TRPA1: variants seen among roughly 807,000 people sequenced by gnomAD.
TRPA1 encodes transient receptor potential cation channel subfamily A member 1.
TRPA1 carries 129 observed loss-of-function variants against 131.3 expected under a neutral mutation model. That is an observed-to-expected ratio of 0.98 (90% confidence interval 0.85 to 1.14). The LOEUF (loss-of-function observed/expected upper bound fraction) is 1.14. TRPA1 is among the 50% of genes most tolerant of loss of function. The pLI, the probability that TRPA1 is intolerant of heterozygous loss-of-function variation, is 0.00. For synonymous variants in TRPA1, 441 were observed against 451.7 expected (o/e 0.98, Z 0.30); for missense variants, 1,304 against 1,354.2 (o/e 0.96, Z 0.58).
Position 72,075,527 on chromosome 8 carries a change from C to G in TRPA1, c.-118G>C, listed in dbSNP as rs1235450993. 1.2e-6 allele frequency: 1 copy of G among 830,064 alleles called. No individual in the cohort carries two copies. Among genetic ancestry groups the G allele is most frequent in the Non-Finnish European group, 2.0e-6 (1 of 493,834 alleles). 51.4% of individuals were successfully genotyped at this position (830,064 alleles called of 1,614,324 possible). ...GTCCGCGCGAGCCCGAGCTCTCCCGCGCTGCAGCTCACAGGCAGCGAAAAA... is the reference window on the plus strand; with the variant it reads ...GTCCGCGCGAGCCCGAGCTCTCCCGGGCTGCAGCTCACAGGCAGCGAAAAA... On this transcript the variant is annotated 5_prime_UTR_variant, in exon 1 of 27. Coordinates refer to ENST00000262209, the MANE Select transcript of TRPA1 (RefSeq NM_007332.3).
intron 1 of TRPA1, among the ~76,000 whole-genome samples, 171 bp downstream of exon 1, chr8:72,075,128 C>G (rs1806143162): frequency 6.6e-6 from 1 of 152,138 alleles, no homozygotes. Flanking sequence ...ATAGATAAAG[C>G]AGGCGCTGTG....
chr8:72,035,803 C>T (rs1213486671), intron 21 of TRPA1, among the ~76,000 whole-genome samples: 3 of 151,698 alleles, frequency 2.0e-5, no homozygotes, highest in African/African-American at 7.3e-5. Context: ...AATATTTACT[C>T]CCCCTGTTTA....
chr8:72,047,324 G>GA, intron 15 of TRPA1, 117 bp from the exon 16 acceptor site: 1 of 772,432 alleles, frequency 1.3e-6, no homozygotes, highest in Non-Finnish European at 2.2e-6. Flanking sequence ...TTGGTTTCTT[G>GA]CATCTCAAGA....
rs374241637 is a variant in TRPA1, at chr8:72,065,543, T to C, written c.460A>G (p.Arg154Gly). 1 of 1,613,316 alleles carries C rather than the reference T, an allele frequency of 6.2e-7. No homozygotes were observed. Among genetic ancestry groups the C allele is most frequent in the South Asian group, 1.1e-5 (1 of 91,072 alleles). ...NEVMKVLLEH[R>G]TIDVNLEGEN... ...CCTTCCAAATTAACATCAATAGTTC[T>C]ATGCTCAAGCAAGACCTAAAAAAAG... The change falls in exon 4 of 27, where the codon AGA becomes GGA. Residue 154 changes from arginine (R) to glycine (G), a missense_variant. Arg to Gly is a moderately radical substitution (Grantham distance 125). Transcript: ENST00000262209.
intron 13 of TRPA1, chr8:72,053,029 G>GAGAGAA: frequency 2.7e-6 from 1 of 376,280 alleles, no homozygotes; most frequent in South Asian, 2.5e-5. Flanking sequence ...GAGAGAGAGA[G>GAGAGAA]AGAGAGAGAG....
the TRPA1 span, among the ~76,000 whole-genome samples, chr8:72,088,912 T>A: frequency 0.17 from 26,353 of 152,104 alleles, 2,421 homozygotes; most frequent in Middle Eastern, 0.23. Flanking sequence ...TGACTATTAA[T>A]GCAATTAATA....
chr8:72,065,223 C>T (rs549657489), intron 4 of TRPA1, among the ~76,000 whole-genome samples: 77 of 152,224 alleles, frequency 5.1e-4, no homozygotes, highest in African/African-American at 1.6e-3. Flanking sequence ...TTGATTTTCT[C>T]GAAATTTTCT....
chr8:72,068,985 C>A (rs750331570), intron 3 of TRPA1, 38 bp downstream of exon 3: 1 of 1,612,818 alleles, frequency 6.2e-7, no homozygotes, highest in South Asian at 1.1e-5. Flanking sequence ...GCACCTGCAC[C>A]GCCGGTCAGG....
At chr8:72,089,673 C>A in the TRPA1 span, among the ~76,000 whole-genome samples, 1 of 151,992 alleles carries the variant, frequency 6.6e-6, no homozygotes, top group Admixed American at 6.6e-5. Flanking sequence ...TAGACAACCA[C>A]AGCTCAAAAA....
At chr8:72,056,876 G>T in intron 10 of TRPA1, 41 bp downstream of exon 10, 2 of 1,364,180 alleles carry the variant, frequency 1.5e-6, no homozygotes, top group South Asian at 2.5e-5. Context: ...ATTTTCTGTT[G>T]AACCCAACTC....
At position 72,055,657 on chromosome 8, in the gene TRPA1, T is replaced by A. The variant is rs544699076; in HGVS notation, c.1364+29A>T. 4.3e-6 allele frequency: 7 copies of A among 1,613,386 alleles called. No homozygotes were observed. The Admixed American group carries it at 1.0e-4, about 23-fold the overall frequency. ...GCAAATATTAAACAGAAAGAAGACA[T>A]GTTCATACATTGCTAGACTGACCCT... is the stretch of plus-strand genomic sequence containing the variant. On this transcript the variant is annotated intron_variant, in intron 11 of 26. Transcript: ENST00000262209.
chr8:72,063,260 A>G (rs1805849930), intron 5 of TRPA1, among the ~76,000 whole-genome samples: 1 of 152,100 alleles, frequency 6.6e-6, no homozygotes, highest in African/African-American at 2.4e-5. Context: ...ATGCACCTAT[A>G]GTCCTGTTAC....
rs1805643700 is a variant in TRPA1 at position 72,055,563 on chromosome 8, C to CT, written c.1401dup (p.Asp468ArgfsTer4). 1 of 1,613,484 alleles carries CT rather than the reference C, an allele frequency of 6.2e-7. No homozygotes were observed. The highest frequency in any genetic ancestry group is 1.1e-5 in the South Asian group (1 of 91,076). On this transcript the variant is annotated frameshift_variant, in exon 12 of 27. Coordinates refer to ENST00000262209, the MANE Select transcript of TRPA1 (RefSeq NM_007332.3). LOFTEE classifies it high-confidence loss of function. ...TTCAGAAGCCTCGTATCACTTATGT[C>CT]TTGTAGGAGCCTCTGACAGGTATTG...
upstream of TRPA1, among the ~76,000 whole-genome samples, chr8:72,078,856 C>T (rs1302290295): frequency 6.6e-6 from 1 of 151,998 alleles, no homozygotes; most frequent in Non-Finnish European, 1.5e-5. Context: ...AGTGGATGTA[C>T]CATTTTATAT....
At position 72,022,940 on chromosome 8, in the gene TRPA1, G is replaced by C. The variant is rs752408000; in HGVS notation, c.3326C>G (p.Ala1109Gly). 2 of 1,613,748 alleles carry C rather than the reference G, an allele frequency of 1.2e-6. No individual in the cohort carries two copies. The highest frequency in any genetic ancestry group is 4.5e-5 in the East Asian group (2 of 44,866). Residue 1109 changes from alanine to glycine, a missense_variant, in exon 27 of 27, where the codon GCA becomes GGA. Physicochemically the swap from Ala to Gly is moderately conservative, Grantham distance 60 (BLOSUM62 0). Coordinates refer to ENST00000262209, the MANE Select transcript of TRPA1 (RefSeq NM_007332.3). ...RNSRWNTVLRAVKAKTHHLEP is the reference protein window; with the variant it reads ...RNSRWNTVLRGVKAKTHHLEP Reference sequence around the variant, plus strand: ...AAGATGGTGTGTTTTTGCCTTGACTGCTCTCAACACAGTATTCCATCTGCT... The same window carrying C: ...AAGATGGTGTGTTTTTGCCTTGACTCCTCTCAACACAGTATTCCATCTGCT...
At chr8:72,063,304 T>C (rs1805850815) in intron 5 of TRPA1, among the ~76,000 whole-genome samples, 159 bp downstream of exon 5, 1 of 151,932 alleles carries the variant, frequency 6.6e-6, no homozygotes, top group Non-Finnish European at 1.5e-5. Flanking sequence ...CACTTGAACC[T>C]GGAAGGCTGA....
At chr8:72,054,350 GTTA>G (rs1462677644) in intron 12 of TRPA1, 1 of 160,232 alleles carries the variant, frequency 6.2e-6, no homozygotes, top group Non-Finnish European at 1.4e-5. Context: ...CTTAGTGTCA[GTTA>G]TTATTCTAAG....
At chr8:72,036,257 AG>A (rs763360751) in intron 21 of TRPA1, 30 bp downstream of exon 21, 2 of 1,608,998 alleles carry the variant, frequency 1.2e-6, no homozygotes, top group Non-Finnish European at 1.7e-6. Context: ...AAATGCTTAA[AG>A]GATGTGGAAA....
chr8:72,030,586 T>TTA (rs1811779167), intron 23 of TRPA1, among the ~76,000 whole-genome samples: 1 of 152,144 alleles, frequency 6.6e-6, no homozygotes, highest in Non-Finnish European at 1.5e-5. Context: ...TAATCCAAAA[T>TTA]TCATTTCATT....
Sources: gnomAD v4.1 joint callset for allele counts (sites outside exome capture counted in the v4.1 genomes callset) on GRCh38, gnomAD v4.1.1 for gene constraint, MANE v1.5 for transcripts, NCBI Gene and HGNC (gene_info 2026-07-23, HGNC 2026-07-21) for gene names.